Variants in MAML2 observed in about 807,000 individuals in gnomAD.
MAML2 encodes the protein mastermind-like protein 2.
In MAML2, 22 loss-of-function variants were observed where a neutral mutation model predicts 96.1. That is an observed-to-expected ratio of 0.23 (90% CI 0.16 to 0.33). MAML2 has a LOEUF of 0.33. Among genes scored for constraint, MAML2 ranks in the 10% least tolerant of loss-of-function variants. The pLI, the probability that MAML2 is intolerant of heterozygous loss-of-function variation, is 1.00. For synonymous variants in MAML2, 561 were observed against 521.3 expected, an observed-to-expected ratio of 1.08 and a Z score of -1.04; for missense variants, 1,367 against 1,392.4, an observed-to-expected ratio of 0.98 and a Z score of 0.29.
At chr11:96,165,182 C>T (rs1861172600) in intron 1 of MAML2, among the ~76,000 whole-genome samples, 1 of 152,158 alleles carries the variant, frequency 6.6e-6, no homozygotes, top group Non-Finnish European at 1.5e-5. Context: ...GTTTTTTTCC[C>T]TACACGTTGC....
At chr11:96,012,596 A>G (rs2135729052) in intron 2 of MAML2, among the ~76,000 whole-genome samples, 1 of 152,346 alleles carries the variant, frequency 6.6e-6, no homozygotes, top group Admixed American at 6.5e-5. Context: ...TATAGGGAGT[A>G]TGAACATAAT....
Position 96,092,471 on chromosome 11 carries a change from T to C in MAML2, c.1560A>G (p.Ser520=). The C allele has an allele frequency of 6.2e-7, 1 of 1,610,902 alleles. No homozygotes were observed. The highest frequency in any genetic ancestry group is 8.5e-7 in the Non-Finnish European group (1 of 1,178,252). ...MANYMYKAGP[S]AQGGHLDVLM... ...GGACATCTAGGTGCCCACCCTGGGC[T>C]GAGGGGCCGGCCTTGTACATGTAGT... Residue 520 remains serine (S), a synonymous_variant, in exon 2 of 5, where the codon TCA becomes TCG. Transcript: ENST00000524717. This position sits in a 1 kb window ranked among gnomAD's most constrained non-coding sequence, Gnocchi z 4.1.
chr11:96,330,590 G>A (rs934260354), intron 1 of MAML2, among the ~76,000 whole-genome samples: 1 of 152,194 alleles, frequency 6.6e-6, no homozygotes, highest in Non-Finnish European at 1.5e-5. Context: ...TGGATTGGCT[G>A]GGCAGTTCCT....
At chr11:96,242,889 A>C (rs1862454809) in intron 1 of MAML2, among the ~76,000 whole-genome samples, 1 of 152,174 alleles carries the variant, frequency 6.6e-6, no homozygotes, top group Non-Finnish European at 1.5e-5. Context: ...ATTAAACCTC[A>C]ATTATATAGG....
chr11:96,283,677 G>T (rs530867647), intron 1 of MAML2, among the ~76,000 whole-genome samples: 19 of 152,294 alleles, frequency 1.2e-4, no homozygotes, highest in Non-Finnish European at 2.5e-4. Flanking sequence ...TGTCCTCTAC[G>T]TTCTGAAGTC....
At chr11:96,068,669 A>C (rs1032386504) in intron 2 of MAML2, among the ~76,000 whole-genome samples, 2 of 152,096 alleles carry the variant, frequency 1.3e-5, no homozygotes, top group Admixed American at 1.3e-4. Context: ...TCAACTAAAA[A>C]TACAAAAAAA....
intron 1 of MAML2, among the ~76,000 whole-genome samples, chr11:96,333,736 A>C (rs1166616323): frequency 6.6e-6 from 1 of 152,232 alleles, no homozygotes. Context: ...TCTGGCTTTC[A>C]AAAGCATAAA....
At chr11:96,190,616 A>G (rs1380907869) in intron 1 of MAML2, among the ~76,000 whole-genome samples, 1 of 152,218 alleles carries the variant, frequency 6.6e-6, no homozygotes, top group African/African-American at 2.4e-5. Context: ...GGGGCCAATA[A>G]AAATATTTGG....
intron 1 of MAML2, among the ~76,000 whole-genome samples, chr11:96,146,221 G>A (rs1051407552): frequency 6.6e-6 from 1 of 152,178 alleles, no homozygotes; most frequent in Non-Finnish European, 1.5e-5. Context: ...GGTAGCAGGA[G>A]CTTAACTATT....
chr11:96,160,988 G>A (rs897202893), intron 1 of MAML2, among the ~76,000 whole-genome samples: 1 of 152,348 alleles, frequency 6.6e-6, no homozygotes, highest in East Asian at 1.9e-4. Context: ...ACAAAGAGTT[G>A]CAGGATAACT....
At chr11:96,305,412 G>A (rs575759550) in intron 1 of MAML2, among the ~76,000 whole-genome samples, 8 of 152,284 alleles carry the variant, frequency 5.3e-5, no homozygotes, top group Admixed American at 6.5e-5. Flanking sequence ...CACTCTGGTG[G>A]AGGATGGTGA....
In MAML2 at chr11:95,977,185, T is replaced by C; in HGVS notation, c.*1763A>G. 1 of 189,886 alleles carries C rather than the reference T, an allele frequency of 5.3e-6. No individual in the cohort carries two copies. The highest frequency in any genetic ancestry group is 1.1e-5 in the Non-Finnish European group (1 of 90,414). The allele number at this position is 189,886 out of a possible 1,614,324, so 11.8% of individuals were successfully genotyped here. A position where few individuals can be genotyped will look rare whatever the true frequency, so the allele number is the denominator to read the frequency against. On this transcript the variant is annotated 3_prime_UTR_variant, in exon 5 of 5. Transcript: ENST00000524717. ...TATTAGCATACAAAAGGTAGCAATT[T>C]ACTTTTTGTATAAAATATAACCTTT...
intron 1 of MAML2, among the ~76,000 whole-genome samples, chr11:96,241,037 T>G (rs1266350162): frequency 6.6e-6 from 1 of 152,228 alleles, no homozygotes; most frequent in Non-Finnish European, 1.5e-5. Flanking sequence ...TTTTCCAGAA[T>G]ATGAAGATAA....
intron 1 of MAML2, among the ~76,000 whole-genome samples, chr11:96,296,414 G>T (rs1863300799): frequency 6.6e-6 from 1 of 152,176 alleles, no homozygotes. Context: ...GGAGGCAGAG[G>T]CGAGCGGATC....
intron 2 of MAML2, among the ~76,000 whole-genome samples, chr11:96,070,494 A>G (rs1859328021): frequency 6.6e-6 from 1 of 152,126 alleles, no homozygotes; most frequent in Admixed American, 6.5e-5. Context: ...GCTTCTGGGC[A>G]CCACTGTGTT....
At chr11:96,148,238 C>A (rs1487632846) in intron 1 of MAML2, among the ~76,000 whole-genome samples, 1 of 152,090 alleles carries the variant, frequency 6.6e-6, no homozygotes, top group Admixed American at 6.5e-5. Flanking sequence ...GTCTGCCTGT[C>A]TCCCGTGGAC....
chr11:96,162,636 G>A (rs12364071), intron 1 of MAML2, among the ~76,000 whole-genome samples: 1 of 150,794 alleles, frequency 6.6e-6, no homozygotes, highest in Non-Finnish European at 1.5e-5. Context: ...GCTTGAACCC[G>A]AGAGGTGGAG....
At chr11:96,248,106 T>A (rs1386107657) in intron 1 of MAML2, among the ~76,000 whole-genome samples, 1 of 143,180 alleles carries the variant, frequency 7.0e-6, no homozygotes, top group African/African-American at 2.5e-5. Context: ...CTTCACCTGT[T>A]TTTTTACTTT....
At chr11:96,161,811 T>C (rs1341776273) in intron 1 of MAML2, among the ~76,000 whole-genome samples, 2 of 152,190 alleles carry the variant, frequency 1.3e-5, no homozygotes, top group African/African-American at 4.8e-5. Context: ...TTGCCTCCTG[T>C]CTCCCAAATC....
Sources: allele counts gnomAD v4.1 joint callset (sites outside exome capture counted in the v4.1 genomes callset), GRCh38; gene constraint gnomAD v4.1.1; non-coding constraint Gnocchi (gnomAD v3.1); transcripts MANE v1.5; gene names NCBI Gene and HGNC (gene_info 2026-07-23, HGNC 2026-07-21).